Variants in DPY30 observed in about 807,000 individuals in gnomAD.
The protein encoded by DPY30 is protein dpy-30 homolog.
A neutral mutation model predicts 16.2 loss-of-function variants in DPY30; 6 were observed. That is an observed-to-expected ratio of 0.37 (90% CI 0.20 to 0.73). The LOEUF is 0.73. Ranked by LOEUF, DPY30 falls within the 30% of genes least tolerant of loss-of-function variation. The pLI is 0.51. For synonymous variants in DPY30, 39 were observed against 38.8 expected (o/e 1.00, Z -0.02); for missense variants, 73 against 113.1 (o/e 0.65, Z 1.61).
At chr2:32,014,629 G>A (rs1161755762) in intron 5 of DPY30, among the ~76,000 whole-genome samples, 3 of 151,906 alleles carry the variant, frequency 2.0e-5, no homozygotes, top group Non-Finnish European at 4.4e-5. Context: ...GACTACAGGC[G>A]CCCACCACCA....
intron 5 of DPY30, among the ~76,000 whole-genome samples, chr2:32,015,557 G>C (rs1269340426): frequency 6.6e-6 from 1 of 151,922 alleles, no homozygotes; most frequent in Non-Finnish European, 1.5e-5. Flanking sequence ...AGAGTCAAAA[G>C]ATATAAGGAG....
intron 3 of DPY30, among the ~76,000 whole-genome samples, chr2:32,038,101 G>A (rs543657336): frequency 1.3e-5 from 2 of 149,584 alleles, no homozygotes; most frequent in South Asian, 2.1e-4. Flanking sequence ...TGGCATTTTT[G>A]CAGTAGAATT....
At chr2:32,023,565 G>A, downstream of DPY30, 1 of 550,096 alleles carries the variant, frequency 1.8e-6, no homozygotes. Context: ...AAACTTAGTA[G>A]GAATGCAATA....
intron 3 of DPY30, among the ~76,000 whole-genome samples, chr2:32,030,064 CAA>C (rs398042393): frequency 2.2e-4 from 23 of 102,642 alleles, no homozygotes; most frequent in South Asian, 3.2e-4. Flanking sequence ...AGTGTGTTCC[CAA>C]AAAAAAAAAA....
chr2:32,018,432 T>A (rs1045127672), intron 5 of DPY30, among the ~76,000 whole-genome samples: 2 of 151,364 alleles, frequency 1.3e-5, no homozygotes, highest in African/African-American at 2.4e-5. Context: ...TTTTTAAGTT[T>A]AAAAAAAAAT....
intron 3 of DPY30, among the ~76,000 whole-genome samples, chr2:32,035,001 A>C (rs1296076663): frequency 6.6e-6 from 1 of 152,022 alleles, no homozygotes; most frequent in Non-Finnish European, 1.5e-5. Flanking sequence ...ATCTCAAAAA[A>C]GAAAAATAAA....
intron 3 of DPY30, among the ~76,000 whole-genome samples, chr2:32,033,105 G>A (rs1207170296): frequency 6.7e-6 from 1 of 149,826 alleles, no homozygotes; most frequent in African/African-American, 2.5e-5. Flanking sequence ...GAGGTCAGGA[G>A]TTCCAGACCA....
chr2:32,029,501 G>A, intron 4 of DPY30, 93 bp downstream of exon 4: 1 of 1,438,746 alleles, frequency 7.0e-7, no homozygotes, highest in East Asian at 2.3e-5. Flanking sequence ...AAATCACACA[G>A]TAAAAAGTCG....
intron 4 of DPY30, among the ~76,000 whole-genome samples, chr2:32,028,320 T>C (rs1226090031): frequency 6.6e-6 from 1 of 152,118 alleles, no homozygotes; most frequent in Non-Finnish European, 1.5e-5. Context: ...TATCAAGTTA[T>C]GTCAGTTTGC....
At chr2:32,026,034 G>C (rs1248872660) in intron 4 of DPY30, among the ~76,000 whole-genome samples, 2 of 152,006 alleles carry the variant, frequency 1.3e-5, no homozygotes, top group Non-Finnish European at 2.9e-5. Context: ...TTGAGCCTGG[G>C]AGTTCGAGGC....
chr2:32,024,067 T>C lies in DPY30; in HGVS notation c.*117A>G. The C allele has an allele frequency of 6.6e-7, 1 of 1,508,850 alleles. No individual in the cohort carries two copies. The highest frequency in any genetic ancestry group is 8.8e-7 in the Non-Finnish European group (1 of 1,135,828). 93.5% of individuals were successfully genotyped at this position (1,508,850 alleles called of 1,614,324 possible). A position where few individuals can be genotyped will look rare whatever the true frequency, so the allele number is the denominator to read the frequency against. On this transcript the variant is annotated 3_prime_UTR_variant, in exon 5 of 5. Transcript: ENST00000342166. Reference sequence around the variant, plus strand: ...CTTCTGCAATTCCAGAAATAGGTTCTGTTGTCCGGAAGGTTCTTATACATC... The same window carrying C: ...CTTCTGCAATTCCAGAAATAGGTTCCGTTGTCCGGAAGGTTCTTATACATC...
downstream of DPY30, among the ~76,000 whole-genome samples, chr2:32,019,938 A>G (rs1433498151): frequency 1.3e-5 from 2 of 148,834 alleles, no homozygotes; most frequent in Non-Finnish European, 3.0e-5. Context: ...TTGTACATAT[A>G]TATGTATATG....
intron 5 of DPY30, among the ~76,000 whole-genome samples, chr2:32,014,493 T>C (rs994612408): frequency 1.1e-4 from 17 of 151,656 alleles, no homozygotes; most frequent in Non-Finnish European, 1.9e-4. Context: ...ATCTTTTTTT[T>C]TTTTTTTTGA....
At chr2:32,015,958 C>T (rs1300463928) in intron 5 of DPY30, among the ~76,000 whole-genome samples, 1 of 151,984 alleles carries the variant, frequency 6.6e-6, no homozygotes, top group African/African-American at 2.4e-5. Context: ...GGCGCAATCT[C>T]GGCTCACTGC....
chr2:32,039,356 A>G (rs748545804), intron 2 of DPY30, 30 bp from the exon 3 acceptor site: 1 of 1,614,148 alleles, frequency 6.2e-7, no homozygotes. Context: ...TCACAGAGAT[A>G]TAAGTCCCCC....
rs761030456 is a variant in DPY30 at position 32,024,159 on chromosome 2, A to G, written c.*25T>C. On this transcript the variant is annotated 3_prime_UTR_variant, in exon 5 of 5. Transcript: ENST00000342166. ...ATCATGTAAATCTACAGTAGCAACT[A>G]AATTTTTCTGTTCTTCCCATTAAGT... 8 of 1,606,038 alleles carry G rather than the reference A, an allele frequency of 5.0e-6. No homozygotes were observed. Among genetic ancestry groups the G allele is most frequent in the Admixed American group, 1.7e-5 (1 of 58,922 alleles).
chr2:32,036,759 C>G (rs1489257467), intron 3 of DPY30, among the ~76,000 whole-genome samples: 1 of 151,316 alleles, frequency 6.6e-6, no homozygotes, highest in Non-Finnish European at 1.5e-5. Context: ...GTCCCACCTA[C>G]TCGGGAGGCT....
intron 3 of DPY30, among the ~76,000 whole-genome samples, chr2:32,034,436 T>G (rs1675661154): frequency 6.6e-6 from 1 of 151,936 alleles, no homozygotes; most frequent in African/African-American, 2.4e-5. Context: ...AAGGAGTAGG[T>G]GCCAGACTCT....
intron 4 of DPY30, among the ~76,000 whole-genome samples, chr2:32,026,005 G>A (rs927608301): frequency 3.9e-5 from 6 of 152,094 alleles, no homozygotes; most frequent in Admixed American, 1.3e-4. Context: ...CTACTCAGGA[G>A]GTTAGGTGGA....
Sources: allele counts gnomAD v4.1 joint callset (sites outside exome capture counted in the v4.1 genomes callset), GRCh38; gene constraint gnomAD v4.1.1; transcripts MANE v1.5; gene names NCBI Gene and HGNC (gene_info 2026-07-23, HGNC 2026-07-21).